DDX5: variants seen among roughly 807,000 people sequenced by gnomAD.
DDX5 encodes the protein DEAD-box helicase 5, also known as probable ATP-dependent RNA helicase DDX5.
A neutral mutation model predicts 68.6 loss-of-function variants in DDX5; 6 were observed. The observed-to-expected ratio is 0.09, with a 90% CI of 0.05 to 0.17. The LOEUF (loss-of-function observed/expected upper bound fraction) is 0.17, where lower values mean the gene tolerates loss of function less well. Among genes scored for constraint, DDX5 ranks in the 10% least tolerant of loss-of-function variants. The pLI, the probability that DDX5 is intolerant of heterozygous loss-of-function variation, is 1.00. For missense variants in DDX5, 499 were observed against 756.1 expected (o/e 0.66, Z 3.99); for synonymous variants, 350 against 247.0 (o/e 1.42, Z -3.91).
At position 64,506,171 on chromosome 17, in the gene DDX5, A is replaced by T; in HGVS notation, c.-52T>A. The T allele has an allele frequency of 1.3e-6, 2 of 1,595,798 alleles. No homozygotes were observed. The highest frequency in any genetic ancestry group is 1.7e-6 in the Non-Finnish European group (2 of 1,171,374). ...AACGAAGTATATAGAAAAGCGTGCG[A>T]CAAGTCGCTGGAAATGGCCTCGATG... On this transcript the variant is annotated 5_prime_UTR_variant, in exon 1 of 13. Transcript: ENST00000225792.
At chr17:64,500,947 G>GA (rs541073111) in intron 11 of DDX5, 174 bp from the exon 12 acceptor site, 63 of 601,350 alleles carry the variant, frequency 1.0e-4, no homozygotes, top group East Asian at 5.8e-4. Context: ...GTTGAAAAAA[G>GA]AAAAAAAAGC....
Position 64,500,293 on chromosome 17 carries a change from T to A in DDX5, c.1475A>T (p.Asp492Val). 6.2e-7 allele frequency: 1 copy of A among 1,612,932 alleles called. No homozygotes were observed. The highest frequency in any genetic ancestry group is 8.5e-7 in the Non-Finnish European group (1 of 1,179,148). The change falls in exon 13 of 13, where the codon GAC (aspartate) becomes GTC (valine). Residue 492 changes from aspartate (D) to valine (V), a missense_variant. By Grantham distance (152) the Asp-to-Val change is radical. Coordinates refer to ENST00000225792, the MANE Select transcript of DDX5 (RefSeq NM_004396.5). ...RSRGRGGMKD[D>V]RRDRYSAGKR... ...GCCCGCAGAGTATCTGTCCCGACGG[T>A]CATCCTTCATGCCTCCTCTACCCCT... is the stretch of plus-strand genomic sequence containing the variant.
At position 64,504,662 on chromosome 17, in the gene DDX5, C is replaced by CAT. The variant is rs2038380894; in HGVS notation, c.210+13_210+14dup. On this transcript the variant is annotated intron_variant, in intron 2 of 12. Transcript: ENST00000225792. Reference sequence around the variant, plus strand: ...ATCGAGTTACAGCCTGATGAAGCCACATGAATTTACTCACTGCTGTGCGCC... The same window carrying CAT: ...ATCGAGTTACAGCCTGATGAAGCCACATATGAATTTACTCACTGCTGTGCGCC... 1 of 1,595,144 alleles carries CAT rather than the reference C, an allele frequency of 6.3e-7. No homozygotes were observed. The highest frequency in any genetic ancestry group is 2.2e-5 in the East Asian group (1 of 44,736).
chr17:64,499,954 C>G lies in DDX5; in HGVS notation c.1814G>C (p.Gly605Ala). Residue 605 changes from glycine to alanine, a missense_variant, in exon 13 of 13, where the codon GGT becomes GCT. Gly to Ala is a moderately conservative substitution (Grantham distance 60). Transcript: ENST00000225792. ...YPATAAAPMI[G>A]YPMPTGYSQ is the part of the protein sequence containing the mutation. Reference sequence around the variant, plus strand: ...GGAATATCCTGTTGGCATTGGATAACCAATCATAGGTGCAGCTGCAGTAGC... The same window carrying G: ...GGAATATCCTGTTGGCATTGGATAAGCAATCATAGGTGCAGCTGCAGTAGC... 6.2e-7 allele frequency: 1 copy of G among 1,609,074 alleles called. No individual in the cohort carries two copies. Among genetic ancestry groups the G allele is most frequent in the Non-Finnish European group, 8.5e-7 (1 of 1,177,046 alleles).
At chr17:64,505,715 C>A in intron 1 of DDX5, 1 of 1,534,884 alleles carries the variant, frequency 6.5e-7, no homozygotes, top group Non-Finnish European at 8.7e-7. Flanking sequence ...AATGCCCGGC[C>A]ACCCCAAAAA....
Position 64,503,768 on chromosome 17 carries a change from A to G in DDX5, c.507+35T>C, listed in dbSNP as rs201599015. 4.7e-4 allele frequency: 745 copies of G among 1,593,484 alleles called. 6 individuals carry two copies. Among genetic ancestry groups the G allele is most frequent in the Middle Eastern group, 1.3e-3 (8 of 5,950 alleles). On this transcript the variant is annotated intron_variant, in intron 5 of 12. Coordinates refer to ENST00000225792, the MANE Select transcript of DDX5 (RefSeq NM_004396.5). ...CTATGTAGTCTAAAATCTACACATT[A>G]TGCTTCTAATAAAAAGTTAAAAATA...
chr17:64,503,827 G>A lies in DDX5; in HGVS notation c.483C>T (p.Phe161=). The change falls in exon 5 of 13, where the codon TTC becomes TTT. Residue 161 remains phenylalanine, a synonymous_variant. Transcript: ENST00000225792. ...CAATAGGCCCATCGCCTCTCTCTAGGAATGGCTGATGATTGATGTGGACAA... is the reference window on the plus strand; with the variant it reads ...CAATAGGCCCATCGCCTCTCTCTAGAAATGGCTGATGATTGATGTGGACAA... ...PAIVHINHQP[F]LERGDGPICL... is the part of the protein sequence containing the mutation. 1.2e-6 allele frequency: 2 copies of A among 1,614,170 alleles called. No homozygotes were observed. Among genetic ancestry groups the A allele is most frequent in the Non-Finnish European group, 1.7e-6 (2 of 1,180,030 alleles).
rs1168608623 is a variant in DDX5 at position 64,506,153 on chromosome 17, T to C, written c.-34A>G. 6.2e-7 allele frequency: 1 copy of C among 1,606,196 alleles called. No individual in the cohort carries two copies. Among genetic ancestry groups the C allele is most frequent in the Non-Finnish European group, 8.5e-7 (1 of 1,176,780 alleles). ...TGGTTGCGGTTGGCGGGGAACGAAG[T>C]ATATAGAAAAGCGTGCGACAAGTCG... On this transcript the variant is annotated 5_prime_UTR_variant, in exon 1 of 13. In the 5' UTR this introduces an upstream ATG that the reference lacks. Coordinates refer to ENST00000225792, the MANE Select transcript of DDX5 (RefSeq NM_004396.5).
chr17:64,504,788 C>G lies in DDX5; in HGVS notation c.99G>C (p.Lys33Asn). Residue 33 changes from lysine to asparagine, a missense_variant, in exon 2 of 13, where the codon AAG (lysine) becomes AAC (asparagine). Around this residue, in one of 5 missense-constraint regions of DDX5, gnomAD observed 140 missense variants for 135.7 expected, o/e 1.03. Coordinates refer to ENST00000225792, the MANE Select transcript of DDX5 (RefSeq NM_004396.5). ...GSRAGPLSGK[K>N]FGNPGEKLVK... ...CTAATTTCTCCCCAGGGTTTCCAAACTTCTTTCCAGATAAGGGCCCTGCCC... is the reference window on the plus strand; with the variant it reads ...CTAATTTCTCCCCAGGGTTTCCAAAGTTCTTTCCAGATAAGGGCCCTGCCC... 5 of 1,614,130 alleles carry G rather than the reference C, an allele frequency of 3.1e-6. No individual in the cohort carries two copies. The highest frequency in any genetic ancestry group is 4.2e-6 in the Non-Finnish European group (5 of 1,180,000).
intron 11 of DDX5, chr17:64,501,480 TA>T (rs2038296117): frequency 6.3e-6 from 1 of 158,850 alleles, no homozygotes; most frequent in African/African-American, 2.4e-5. Flanking sequence ...CACCAATTTG[TA>T]AAAGGCTTAG....
At chr17:64,502,110 A>G (rs1555671185) in intron 10 of DDX5, 41 bp from the exon 11 acceptor site, 3 of 1,613,766 alleles carry the variant, frequency 1.9e-6, no homozygotes, top group South Asian at 1.1e-5. Context: ...ATCTGAGCAG[A>G]ATTCTAGCTA....
In DDX5 at chr17:64,499,899, A is replaced by C; in HGVS notation, c.*24T>G. 6.5e-7 allele frequency: 1 copy of C among 1,529,126 alleles called. No individual in the cohort carries two copies. The allele number at this position is 1,529,126 out of a possible 1,614,324, so 94.7% of individuals were successfully genotyped here. On this transcript the variant is annotated 3_prime_UTR_variant, in exon 13 of 13. Coordinates refer to ENST00000225792, the MANE Select transcript of DDX5 (RefSeq NM_004396.5). ...TATAAAGAGCAATTATGAAAAACAGACATTTACATATACTTCTAAAGTCTT... is the reference window on the plus strand; with the variant it reads ...TATAAAGAGCAATTATGAAAAACAGCCATTTACATATACTTCTAAAGTCTT...
chr17:64,504,249 G>C lies in DDX5; in HGVS notation c.280C>G (p.Leu94Val), dbSNP rs146006180. The change falls in exon 3 of 13, where the codon CTA (leucine) becomes GTA (valine). Residue 94 changes from leucine (L) to valine (V), a missense_variant. Transcript: ENST00000225792. ...VRGHNCPKPV[L>V]NFYEANFPAN... is the part of the protein sequence containing the mutation. The stretch of plus-strand genomic sequence containing the variant: ...GGGAAATTGGCTTCATAAAAATTTA[G>C]AACTGGCTTCGGGCAGTTGTGACCT... The C allele has an allele frequency of 1.9e-6, 3 of 1,614,134 alleles. No homozygotes were observed. Among genetic ancestry groups the C allele is most frequent in the South Asian group, 2.2e-5 (2 of 91,082 alleles).
At chr17:64,501,697 G>A (rs1453916674) in intron 11 of DDX5, 1 of 414,198 alleles carries the variant, frequency 2.4e-6, no homozygotes, top group South Asian at 3.3e-5. Flanking sequence ...GAACTGTGAG[G>A]ATAACTTCCA....
Position 64,503,575 on chromosome 17 carries a change from A to T in DDX5, c.508-4T>A. On this transcript the variant is annotated splice_polypyrimidine_tract_variant and splice_region_variant and intron_variant, in intron 5 of 12. Transcript: ENST00000225792. Reference sequence around the variant, plus strand: ...GAGTTGGTGCCAGCACCAAACACTAAGGAAAGAGAAACAGCTTTCAGCACA... The same window carrying T: ...GAGTTGGTGCCAGCACCAAACACTATGGAAAGAGAAACAGCTTTCAGCACA... 1 of 1,613,232 alleles carries T rather than the reference A, an allele frequency of 6.2e-7. No individual in the cohort carries two copies. The highest frequency in any genetic ancestry group is 1.1e-5 in the South Asian group (1 of 90,864).
Position 64,500,164 on chromosome 17 carries a change from T to G in DDX5, c.1604A>C (p.Tyr535Ser). 1 of 1,614,238 alleles carries G rather than the reference T, an allele frequency of 6.2e-7. No homozygotes were observed. The highest frequency in any genetic ancestry group is 8.5e-7 in the Non-Finnish European group (1 of 1,180,042). The change falls in exon 13 of 13, where the codon TAC (tyrosine) becomes TCC (serine). Residue 535 changes from tyrosine to serine, a missense_variant. Tyr to Ser is a moderately radical substitution (Grantham distance 144). This residue lies in a region of DDX5 where 171 missense variants were observed against 174.8 expected (regional missense o/e 0.98). Coordinates refer to ENST00000225792, the MANE Select transcript of DDX5 (RefSeq NM_004396.5). ...CCCATTGGTGTAATTTGCAGCACTG[T>G]AAACACCATTCTGAGTTTTTGCCCC... Reference protein sequence around the residue: ...DFGAKTQNGVYSAANYTNGSF... With the variant: ...DFGAKTQNGVSSAANYTNGSF...
In DDX5 at chr17:64,506,235, A is replaced by C; in HGVS notation, c.-116T>G. The C allele has an allele frequency of 6.4e-7, 1 of 1,551,598 alleles. No individual in the cohort carries two copies. ...GCGGGGGCGGCAGCGGAGGAAGGAC[A>C]CCGATGACACCAGCCGAAGCTGCAC... is the stretch of plus-strand genomic sequence containing the variant. On this transcript the variant is annotated 5_prime_UTR_variant, in exon 1 of 13. Transcript: ENST00000225792.
In DDX5 at chr17:64,503,178, G is replaced by T. The variant is rs546760220; in HGVS notation, c.810+10C>A. The T allele has an allele frequency of 1.4e-5, 23 of 1,613,684 alleles. No individual in the cohort carries two copies. Among genetic ancestry groups the T allele is most frequent in the Non-Finnish European group, 1.9e-5 (23 of 1,179,820 alleles). ...ATTCAGTTTGATCACATATTTCAAA[G>T]GACACTTACTCTTATTTGATCCACA... On this transcript the variant is annotated intron_variant, in intron 7 of 12. Coordinates refer to ENST00000225792, the MANE Select transcript of DDX5 (RefSeq NM_004396.5).
rs2038262014 is a variant in DDX5, at chr17:64,500,237, T to C, written c.1531A>G (p.Arg511Gly). The C allele has an allele frequency of 2.5e-6, 4 of 1,614,116 alleles. No individual in the cohort carries two copies. Among genetic ancestry groups the C allele is most frequent in the Admixed American group, 1.7e-5 (1 of 60,008 alleles). ...KRGGFNTFRD[R>G]ENYDRGYSSL... ...GAGTAACCTCTGTCATAATTTTCCC[T>C]GTCTCTAAAGGTATTAAATCCACCC... Residue 511 changes from arginine to glycine, a missense_variant, in exon 13 of 13, where the codon AGG becomes GGG. By Grantham distance (125) the Arg-to-Gly change is moderately radical (BLOSUM62 -2). Coordinates refer to ENST00000225792, the MANE Select transcript of DDX5 (RefSeq NM_004396.5).
Sources: gnomAD v4.1 joint callset for allele counts on GRCh38, gnomAD v4.1.1 for gene constraint, gnomAD v4.1.1 regional missense constraint, MANE v1.5 for transcripts, NCBI Gene and HGNC (gene_info 2026-07-23, HGNC 2026-07-21) for gene names.